Variants in CSMD1 observed in about 807,000 individuals in gnomAD.
CSMD1 encodes the protein CUB and Sushi multiple domains 1.
Under a neutral mutation model 417.5 loss-of-function variants are expected in CSMD1, and 213 were observed. The observed-to-expected ratio is 0.51, with a 90% confidence interval of 0.46 to 0.57. The LOEUF (loss-of-function observed/expected upper bound fraction) is 0.57. CSMD1 is among the 20% of genes least tolerant of loss of function. The pLI is 0.00. For missense variants in CSMD1, 6,923 were observed against 4,529.7 expected (o/e 1.53, Z -15.17); for synonymous variants, 2,862 against 1,736.8 (o/e 1.65, Z -16.11).
At chr8:4,480,247 A>G (rs1467866986) in intron 2 of CSMD1, among the ~76,000 whole-genome samples, 1 of 151,718 alleles carries the variant, frequency 6.6e-6, no homozygotes, top group Non-Finnish European at 1.5e-5. Flanking sequence ...AAAAAGCAGG[A>G]CTTCTCATGT....
intron 1 of CSMD1, among the ~76,000 whole-genome samples, chr8:4,960,140 G>A (rs185795844): frequency 1.3e-5 from 2 of 152,164 alleles, no homozygotes; most frequent in Admixed American, 1.3e-4. Flanking sequence ...CATTACTTCT[G>A]AAATGTACTA....
intron 1 of CSMD1, among the ~76,000 whole-genome samples, chr8:4,648,789 G>A (rs928523548): frequency 6.6e-6 from 1 of 152,208 alleles, no homozygotes; most frequent in African/African-American, 2.4e-5. Context: ...GACATCAGAT[G>A]CCGGCTGATG....
At chr8:3,652,962 C>T (rs564237293) in intron 7 of CSMD1, among the ~76,000 whole-genome samples, 6 of 152,268 alleles carry the variant, frequency 3.9e-5, no homozygotes, top group African/African-American at 1.4e-4. Flanking sequence ...TTTCTCCTGA[C>T]TGCTTTCAAG....
intron 5 of CSMD1, among the ~76,000 whole-genome samples, chr8:3,887,804 C>T (rs1806666665): frequency 6.6e-6 from 1 of 152,150 alleles, no homozygotes; most frequent in South Asian, 2.1e-4. Flanking sequence ...GGCATTTTGC[C>T]TCTGTCTGCC....
At chr8:3,203,683 A>T (rs1797107387) in intron 31 of CSMD1, among the ~76,000 whole-genome samples, 1 of 152,188 alleles carries the variant, frequency 6.6e-6, no homozygotes, top group Admixed American at 6.5e-5. Flanking sequence ...CCCTGAAAAC[A>T]AACACTTTGC....
At chr8:3,961,784 T>C (rs1563257897) in intron 5 of CSMD1, among the ~76,000 whole-genome samples, 1 of 152,194 alleles carries the variant, frequency 6.6e-6, no homozygotes, top group Admixed American at 6.5e-5. Flanking sequence ...TTGATAATGG[T>C]GCACTGGGTT....
chr8:4,048,121 A>T (rs2130676075), intron 3 of CSMD1, among the ~76,000 whole-genome samples: 1 of 152,252 alleles, frequency 6.6e-6, no homozygotes, highest in East Asian at 1.9e-4. Context: ...CTGATTTCTA[A>T]ACATACTTGC....
chr8:3,965,222 G>C (rs981300613), intron 5 of CSMD1, among the ~76,000 whole-genome samples: 3 of 152,334 alleles, frequency 2.0e-5, no homozygotes, highest in African/African-American at 7.2e-5. Context: ...GGCTGAACTT[G>C]AACAGAGACG....
chr8:3,686,070 A>G (rs1314517305), intron 7 of CSMD1, among the ~76,000 whole-genome samples: 4 of 148,786 alleles, frequency 2.7e-5, no homozygotes, highest in Non-Finnish European at 4.4e-5. Context: ...CACTATTCTT[A>G]TCAGCCTCTG....
chr8:3,850,487 G>C (rs1293875521), intron 5 of CSMD1, among the ~76,000 whole-genome samples: 2 of 152,150 alleles, frequency 1.3e-5, no homozygotes, highest in Non-Finnish European at 2.9e-5. Flanking sequence ...TTGAGGTCAA[G>C]AGTTCAAGAC....
At chr8:4,211,309 G>C (rs926152069) in intron 3 of CSMD1, among the ~76,000 whole-genome samples, 1 of 151,672 alleles carries the variant, frequency 6.6e-6, no homozygotes, top group Non-Finnish European at 1.5e-5. Flanking sequence ...TCTTTAATCT[G>C]CTATCATTAT....
At chr8:3,739,049 G>A (rs1796667154) in intron 6 of CSMD1, among the ~76,000 whole-genome samples, 1 of 152,102 alleles carries the variant, frequency 6.6e-6, no homozygotes, top group Non-Finnish European at 1.5e-5. Context: ...TTCTAGTTAT[G>A]TTCTTACATT....
At position 3,985,377 on chromosome 8, in the gene CSMD1, T is replaced by C. The variant is rs113979393; in HGVS notation, c.818+12526A>G. On this transcript the variant is annotated intron_variant, in intron 5 of 69. Transcript: ENST00000635120. ...CATTGTTTTGTTTTCCTTTCTTCCA[T>C]AGAAAGTAAATGAATATACATCTAC... Among the ~76,000 whole-genome samples, 1,293 of 152,294 alleles carry C rather than the reference T, an allele frequency of 8.5e-3. 18 individuals are homozygous for C. The highest frequency in any genetic ancestry group is 0.028 in the African/African-American group (1,162 of 41,550).
At chr8:4,824,479 A>T (rs1448934291) in intron 1 of CSMD1, among the ~76,000 whole-genome samples, 3 of 152,136 alleles carry the variant, frequency 2.0e-5, no homozygotes, top group Non-Finnish European at 4.4e-5. Flanking sequence ...TGTTTAAAGA[A>T]ATAGAATGGT....
chr8:3,240,777 G>C (rs942286221), intron 26 of CSMD1, among the ~76,000 whole-genome samples: 5 of 152,252 alleles, frequency 3.3e-5, no homozygotes, highest in Admixed American at 6.5e-5. Context: ...CCACTGGGTG[G>C]ATAGGCAAAA....
intron 5 of CSMD1, among the ~76,000 whole-genome samples, chr8:3,921,293 C>T (rs931753160): frequency 1.2e-4 from 18 of 152,060 alleles, no homozygotes; most frequent in Non-Finnish European, 2.5e-4. Context: ...TTTGAGTCTT[C>T]TCTTTTCTAC....
Position 4,992,171 on chromosome 8 carries a change from G to GC in CSMD1, c.85+2160dup, listed in dbSNP as rs531743692. ...GGACTTTGCAACCCCTGCCCTGTTC[G>GC]CCCCAGAATCATCCAGAGCAGCCCC... On this transcript the variant is annotated intron_variant, in intron 1 of 69. Transcript: ENST00000635120. 3.1e-4 allele frequency among the ~76,000 whole-genome samples: 47 copies of GC among 152,246 alleles called. No individual in the cohort carries two copies. In the South Asian group the frequency reaches 8.1e-3, roughly 26 times the overall value.
At chr8:4,270,807 G>T (rs552182441) in intron 3 of CSMD1, among the ~76,000 whole-genome samples, 1 of 152,238 alleles carries the variant, frequency 6.6e-6, no homozygotes, top group East Asian at 1.9e-4. Flanking sequence ...CTCCTAGAAA[G>T]TTCCCTGCCG....
intron 2 of CSMD1, among the ~76,000 whole-genome samples, chr8:4,446,759 G>GTGTGTCTGTGTGTGTGTC (rs1798828980): frequency 4.2e-5 from 2 of 47,084 alleles, no homozygotes; most frequent in African/African-American, 2.1e-4. Context: ...GTGTGTCTGT[G>GTGTGTCTGTGTGTGTGTC]TGTGTGTGTG....
Sources: gnomAD v4.1 joint callset for allele counts (sites outside exome capture counted in the v4.1 genomes callset) on GRCh38, gnomAD v4.1.1 for gene constraint, MANE v1.5 for transcripts, NCBI Gene and HGNC (gene_info 2026-07-23, HGNC 2026-07-21) for gene names.